Variants in TMEM132D observed in about 807,000 individuals in gnomAD.
The protein encoded by TMEM132D is mature OL transmembrane protein.
Under a neutral mutation model 62.3 loss-of-function variants are expected in TMEM132D, and 21 were observed. That is an observed-to-expected ratio of 0.34 (90% CI 0.24 to 0.49). TMEM132D has a LOEUF of 0.49. Ranked by LOEUF, TMEM132D falls within the 20% of genes least tolerant of loss-of-function variation. The pLI is 0.99. For missense variants in TMEM132D, 1,346 were observed against 1,402.8 expected (o/e 0.96, Z 0.65); for synonymous variants, 621 against 575.6 (o/e 1.08, Z -1.13).
At chr12:129,319,161 G>T (rs1199693289) in intron 4 of TMEM132D, among the ~76,000 whole-genome samples, 4 of 152,190 alleles carry the variant, frequency 2.6e-5, no homozygotes, top group Non-Finnish European at 5.9e-5. Context: ...TTCAGCTAAA[G>T]AATTCCTTCT....
At chr12:129,605,641 AC>A (rs1878605190) in intron 2 of TMEM132D, among the ~76,000 whole-genome samples, 1 of 135,318 alleles carries the variant, frequency 7.4e-6, no homozygotes, top group African/African-American at 2.6e-5. Context: ...ACACACACAC[AC>A]ACACAAATAT....
intron 4 of TMEM132D, among the ~76,000 whole-genome samples, chr12:129,271,056 A>G (rs1880840054): frequency 6.6e-6 from 1 of 152,222 alleles, no homozygotes; most frequent in East Asian, 1.9e-4. Context: ...GTGTTTTATG[A>G]TGCCAGATAC....
At chr12:129,677,999 T>C (rs1253503717) in intron 2 of TMEM132D, among the ~76,000 whole-genome samples, 1 of 152,228 alleles carries the variant, frequency 6.6e-6, no homozygotes, top group Admixed American at 6.5e-5. Context: ...TGTCTAGCTG[T>C]AACTGAATTA....
At chr12:129,897,541 T>A (rs1340406625) in intron 1 of TMEM132D, among the ~76,000 whole-genome samples, 1 of 151,920 alleles carries the variant, frequency 6.6e-6, no homozygotes, top group African/African-American at 2.4e-5. Context: ...AAGCTTGACC[T>A]AGGGAGGTGG....
chr12:129,769,896 T>C (rs1300501506), intron 1 of TMEM132D, among the ~76,000 whole-genome samples: 1 of 152,164 alleles, frequency 6.6e-6, no homozygotes, highest in African/African-American at 2.4e-5. Context: ...GGATTTTTTT[T>C]CCCCTGGGAC....
At chr12:129,134,146 GTCTGTGTC>G (rs1384518714) in intron 5 of TMEM132D, among the ~76,000 whole-genome samples, 1 of 148,560 alleles carries the variant, frequency 6.7e-6, no homozygotes, top group Non-Finnish European at 1.5e-5. Context: ...GTGTGTGTGT[GTCTGTGTC>G]TGTGTGTGTG....
chr12:129,753,954 A>C (rs911630329), intron 1 of TMEM132D, among the ~76,000 whole-genome samples: 1 of 152,198 alleles, frequency 6.6e-6, no homozygotes, highest in African/African-American at 2.4e-5. Context: ...TCCAGCCGTC[A>C]AATTCCCCTT....
intron 4 of TMEM132D, among the ~76,000 whole-genome samples, chr12:129,301,585 A>G (rs976783213): frequency 1.3e-5 from 2 of 152,238 alleles, no homozygotes; most frequent in African/African-American, 4.8e-5. Context: ...TGAGGCCTTC[A>G]GTTTCATCCA....
intron 2 of TMEM132D, among the ~76,000 whole-genome samples, chr12:129,581,521 C>G (rs1877863030): frequency 6.6e-6 from 1 of 152,194 alleles, no homozygotes; most frequent in Non-Finnish European, 1.5e-5. Flanking sequence ...GGCCTGAGAG[C>G]CCCTGGCAAA....
rs35178347 is a variant in TMEM132D at position 129,374,269 on chromosome 12, C to CAGAGAG, written c.1116-36458_1116-36453dup. 4.1e-3 allele frequency among the ~76,000 whole-genome samples: 587 copies of CAGAGAG among 144,364 alleles called. 6 individuals are homozygous for CAGAGAG. The highest frequency in any genetic ancestry group is 0.013 in the African/African-American group (493 of 38,054). 94.7% of individuals were successfully genotyped at this position (144,364 alleles called of 152,430 possible). On this transcript the variant is annotated intron_variant, in intron 3 of 8. Transcript: ENST00000422113. ...GCCTTCTCACTGTAACCTCACACATCAGAGAGAGAGAGAGAGAGAGAGAGA... is the reference window on the plus strand; with the variant it reads ...GCCTTCTCACTGTAACCTCACACATCAGAGAGAGAGAGAGAGAGAGAGAGAGAGAGA...
At chr12:129,866,037 C>G (rs1322413243) in intron 1 of TMEM132D, among the ~76,000 whole-genome samples, 1 of 152,148 alleles carries the variant, frequency 6.6e-6, no homozygotes. Flanking sequence ...TCTCACACTG[C>G]TGTGGTTTTA....
chr12:129,486,514 G>A (rs1223200017), intron 3 of TMEM132D, among the ~76,000 whole-genome samples: 1 of 152,098 alleles, frequency 6.6e-6, no homozygotes, highest in Non-Finnish European at 1.5e-5. Flanking sequence ...CCGAGTCTCT[G>A]AGCCCTAAAG....
intron 4 of TMEM132D, among the ~76,000 whole-genome samples, chr12:129,242,717 C>T (rs1469803013): frequency 6.6e-6 from 1 of 151,922 alleles, no homozygotes; most frequent in Non-Finnish European, 1.5e-5. Context: ...ATTTTTCTCT[C>T]TTCCTTCAAT....
chr12:129,460,243 G>C (rs192149934), intron 3 of TMEM132D, among the ~76,000 whole-genome samples: 2 of 152,090 alleles, frequency 1.3e-5, no homozygotes, highest in African/African-American at 2.4e-5. Context: ...GTGTATTCCC[G>C]TGATGTCCGT....
intron 3 of TMEM132D, among the ~76,000 whole-genome samples, chr12:129,525,153 C>T (rs1875984824): frequency 6.8e-6 from 1 of 147,332 alleles, no homozygotes; most frequent in African/African-American, 2.5e-5. Context: ...TCTCGATCTC[C>T]TGACTTCGTG....
intron 5 of TMEM132D, among the ~76,000 whole-genome samples, chr12:129,206,935 T>A (rs991764975): frequency 1.3e-5 from 2 of 151,984 alleles, no homozygotes; most frequent in Admixed American, 6.6e-5. Context: ...TAACACACAC[T>A]GGGGTCTATG....
At chr12:129,507,672 A>G (rs544326939) in intron 3 of TMEM132D, among the ~76,000 whole-genome samples, 1 of 152,198 alleles carries the variant, frequency 6.6e-6, no homozygotes, top group Non-Finnish European at 1.5e-5. Flanking sequence ...ATGCAAAAGC[A>G]CAAGAATGAC....
chr12:129,350,188 A>C (rs1869819837), intron 3 of TMEM132D, among the ~76,000 whole-genome samples: 2 of 152,322 alleles, frequency 1.3e-5, no homozygotes, highest in South Asian at 4.1e-4. Context: ...TGATCAACTT[A>C]GGACAAGTGC....
At chr12:129,688,694 G>A (rs1880989879) in intron 2 of TMEM132D, among the ~76,000 whole-genome samples, 1 of 151,952 alleles carries the variant, frequency 6.6e-6, no homozygotes, top group Non-Finnish European at 1.5e-5. Context: ...TGACTGTAGT[G>A]TGTGAGGTAT....
Sources: allele counts gnomAD v4.1 joint callset (sites outside exome capture counted in the v4.1 genomes callset), GRCh38; gene constraint gnomAD v4.1.1; transcripts MANE v1.5; gene names NCBI Gene and HGNC (gene_info 2026-07-23, HGNC 2026-07-21).